Variants in DNAH17 observed in about 807,000 individuals in gnomAD.
DNAH17 encodes axonemal beta dynein heavy chain 17.
A neutral mutation model predicts 485.6 loss-of-function variants in DNAH17; 376 were observed. The ratio of observed to expected loss-of-function variants is 0.77; its 90% CI spans 0.71 to 0.84. The LOEUF (loss-of-function observed/expected upper bound fraction) is 0.84, where lower values mean the gene tolerates loss of function less well. Ranked by LOEUF, DNAH17 falls within the 40% of genes least tolerant of loss-of-function variation. The probability of loss-of-function intolerance (pLI) is 0.00; values close to 1 mark genes in which losing one functional copy is unlikely to be tolerated. For missense variants in DNAH17, 6,370 were observed against 5,839.3 expected (o/e 1.09, Z -2.96); for synonymous variants, 3,031 against 2,405.9 (o/e 1.26, Z -7.60).
rs1210588696 is a variant in DNAH17, at chr17:78,561,717, G to A, written c.1833C>T (p.His611=). 1.9e-6 allele frequency: 3 copies of A among 1,604,524 alleles called. No individual in the cohort carries two copies. The highest frequency in any genetic ancestry group is 2.6e-6 in the Non-Finnish European group (3 of 1,174,322). ...VSMKHLKHVE[H]PVMSGAEAKL... ...CCCTGCCCAGGGCTGTGACTCACGG[G>A]TGTTCGACGTGCTTCAGGTGTTTCA... is the stretch of plus-strand genomic sequence containing the variant. Residue 611 remains histidine, a splice_region_variant and synonymous_variant, in exon 12 of 81, where the codon CAC becomes CAT. Coordinates refer to ENST00000389840, the MANE Select transcript of DNAH17 (RefSeq NM_173628.4).
Position 78,425,425 on chromosome 17 carries a change from G to C in DNAH17, c.13062C>G (p.Val4354=), listed in dbSNP as rs188534447. ...CCTCTCGGTTTTTCTTGGTCACCTC[G>C]ACAGACAGACACATCTTGTCCAGGG... ...EWPLDKMCLS[V]EVTKKNREDM... is the part of the protein sequence containing the mutation. The change falls in exon 80 of 81, where the codon GTC becomes GTG. Residue 4354 remains valine (V), a synonymous_variant. Coordinates refer to ENST00000389840, the MANE Select transcript of DNAH17 (RefSeq NM_173628.4). 9.9e-6 allele frequency: 16 copies of C among 1,613,910 alleles called. No homozygotes were observed. In the Admixed American group the frequency reaches 1.7e-4, roughly 17 times the overall value.
At chr17:78,474,523 C>CA (rs2146591112) in intron 54 of DNAH17, among the ~76,000 whole-genome samples, 1 of 152,358 alleles carries the variant, frequency 6.6e-6, no homozygotes, top group African/African-American at 2.4e-5. Flanking sequence ...GTTAGACACC[C>CA]AGTCATGGCT....
chr17:78,473,880 C>T (rs2088889083), intron 54 of DNAH17, among the ~76,000 whole-genome samples: 1 of 152,172 alleles, frequency 6.6e-6, no homozygotes, highest in Non-Finnish European at 1.5e-5. Context: ...CCGCAGATAC[C>T]AATGTGAACT....
intron 55 of DNAH17, among the ~76,000 whole-genome samples, chr17:78,467,680 C>G (rs992225214): frequency 9.2e-5 from 14 of 152,052 alleles, no homozygotes; most frequent in African/African-American, 3.4e-4. Context: ...AGGACGGGGC[C>G]AATAGGTCCA....
At chr17:78,529,930 C>A (rs1429512083) in intron 21 of DNAH17, among the ~76,000 whole-genome samples, 1 of 152,234 alleles carries the variant, frequency 6.6e-6, no homozygotes, top group Non-Finnish European at 1.5e-5. Flanking sequence ...AAGTCCCAAG[C>A]TACGGCCACA....
intron 16 of DNAH17, among the ~76,000 whole-genome samples, chr17:78,546,441 T>A (rs994566970): frequency 1.3e-5 from 2 of 152,232 alleles, no homozygotes; most frequent in Non-Finnish European, 2.9e-5. Flanking sequence ...TCACGTTTTA[T>A]CCTTTCTGCT....
In DNAH17 at chr17:78,534,725, G is replaced by A. The variant is rs192129114; in HGVS notation, c.2860-1989C>T. 2.7e-3 allele frequency among the ~76,000 whole-genome samples: 412 copies of A among 152,340 alleles called. 1 individual carries two copies. The highest frequency in any genetic ancestry group is 5.0e-3 in the Non-Finnish European group (343 of 68,034). ...AGTTGGGCTGGGCTGGTGGCAGCCT[G>A]GCATACCAGAGGCAGGTGAGACCTG... On this transcript the variant is annotated intron_variant, in intron 19 of 80. Coordinates refer to ENST00000389840, the MANE Select transcript of DNAH17 (RefSeq NM_173628.4).
chr17:78,561,077 A>G, intron 12 of DNAH17, 142 bp from the exon 13 acceptor site: 1 of 769,992 alleles, frequency 1.3e-6, no homozygotes, highest in Non-Finnish European at 2.1e-6. Flanking sequence ...GAATATGCAA[A>G]CAAGCAGTGG....
chr17:78,521,880 G>A (rs551814355), intron 25 of DNAH17, among the ~76,000 whole-genome samples: 9 of 152,062 alleles, frequency 5.9e-5, no homozygotes, highest in Admixed American at 4.6e-4. Flanking sequence ...CCAGCTGCTC[G>A]GGAGGCTGAG....
In DNAH17 at chr17:78,429,189, T is replaced by C; in HGVS notation, c.12337A>G (p.Thr4113Ala). The change falls in exon 76 of 81, where the codon ACG becomes GCG. Residue 4113 changes from threonine (T) to alanine (A), a missense_variant. By Grantham distance (58) the Thr-to-Ala change is moderately conservative. Coordinates refer to ENST00000389840, the MANE Select transcript of DNAH17 (RefSeq NM_173628.4). ...AGGACGTCTCCCTCCAGCATCTCCG[T>C]CCGGATGTATTCAGCCAGGTAGGTC... ...CRTYLAEYIR[T>A]EMLEGDVLLA... 1 of 1,613,718 alleles carries C rather than the reference T, an allele frequency of 6.2e-7. No homozygotes were observed. The highest frequency in any genetic ancestry group is 1.1e-5 in the South Asian group (1 of 91,078).
chr17:78,529,842 C>T, intron 21 of DNAH17, 148 bp from the exon 22 acceptor site: 3 of 737,306 alleles, frequency 4.1e-6, no homozygotes, highest in Non-Finnish European at 6.6e-6. Context: ...CCCCTGCCCA[C>T]CTTGGATCCC....
At chr17:78,431,165 C>T (rs547418953) in intron 75 of DNAH17, among the ~76,000 whole-genome samples, 1 of 150,698 alleles carries the variant, frequency 6.6e-6, no homozygotes, top group Non-Finnish European at 1.5e-5. Context: ...AGGCTTGGGC[C>T]ACTGCACTCG....
chr17:78,512,618 C>T (rs556870993), intron 26 of DNAH17, among the ~76,000 whole-genome samples: 1 of 152,218 alleles, frequency 6.6e-6, no homozygotes, highest in East Asian at 1.9e-4. Flanking sequence ...CAAGGAGTCC[C>T]ACCGCCCCCT....
intron 57 of DNAH17, 97 bp from the exon 58 acceptor site, chr17:78,461,805 A>AT (rs2088142995): frequency 8.0e-7 from 1 of 1,247,246 alleles, no homozygotes; most frequent in Admixed American, 2.7e-5. Context: ...ACAGAGGGGC[A>AT]GAACGGCAGG....
intron 52 of DNAH17, 103 bp from the exon 53 acceptor site, chr17:78,475,936 A>T (rs764303747): frequency 1.6e-5 from 21 of 1,330,474 alleles, no homozygotes; most frequent in Non-Finnish European, 2.1e-5. Context: ...CTAGGAGGTC[A>T]CCACGGGGTC....
At position 78,500,729 on chromosome 17, in the gene DNAH17, G is replaced by A. The variant is rs142760436; in HGVS notation, c.5484-268C>T. On this transcript the variant is annotated intron_variant, in intron 35 of 80. Coordinates refer to ENST00000389840, the MANE Select transcript of DNAH17 (RefSeq NM_173628.4). The stretch of plus-strand genomic sequence containing the variant: ...TTGCTATGTTGGCCAGGCTGGTCTC[G>A]AACTCCTGACGTCAGGTGATCCACC... The A allele has an allele frequency of 6.3e-3, 1,607 of 254,024 alleles. 27 individuals are homozygous for A. Among genetic ancestry groups the A allele is most frequent in the African/African-American group, 0.033 (1,467 of 44,460 alleles). 15.7% of individuals were successfully genotyped at this position (254,024 alleles called of 1,614,324 possible).
chr17:78,466,606 C>A, intron 56 of DNAH17, 49 bp downstream of exon 56: 1 of 1,541,798 alleles, frequency 6.5e-7, no homozygotes, highest in South Asian at 1.2e-5. Flanking sequence ...TGGGCCTGTC[C>A]TTGTCCTCTG....
At position 78,510,396 on chromosome 17, in the gene DNAH17, C is replaced by G. The variant is rs747294618; in HGVS notation, c.4224G>C (p.Ser1408=). The G allele has an allele frequency of 1.2e-6, 2 of 1,612,732 alleles. No individual in the cohort carries two copies. Among genetic ancestry groups the G allele is most frequent in the Non-Finnish European group, 1.7e-6 (2 of 1,179,592 alleles). ...RNIVDKAVKE[S]GMEKVLKALD... Reference sequence around the variant, plus strand: ...CAGCACGGCCTACCTTTTCCATGCCCGACTCCTTCACGGCCTTGTCCACGA... The same window carrying G: ...CAGCACGGCCTACCTTTTCCATGCCGGACTCCTTCACGGCCTTGTCCACGA... The change falls in exon 27 of 81, where the codon TCG becomes TCC. Residue 1408 remains serine (S), a synonymous_variant. Transcript: ENST00000389840.
chr17:78,535,666 G>C (rs1000541170), intron 19 of DNAH17, among the ~76,000 whole-genome samples: 13 of 152,274 alleles, frequency 8.5e-5, no homozygotes, highest in African/African-American at 2.9e-4. Context: ...GAGAGGAAAC[G>C]CCTGCAGCCA....
Sources: gnomAD v4.1 joint callset for allele counts (sites outside exome capture counted in the v4.1 genomes callset) on GRCh38, gnomAD v4.1.1 for gene constraint, MANE v1.5 for transcripts, NCBI Gene and HGNC (gene_info 2026-07-23, HGNC 2026-07-21) for gene names.